ADSS2: variants seen among roughly 807,000 people sequenced by gnomAD.
ADSS2 encodes adenylosuccinate synthetase isozyme 2.
A neutral mutation model predicts 60.0 loss-of-function variants in ADSS2; 30 were observed. The ratio of observed to expected loss-of-function variants is 0.50; its 90% CI spans 0.37 to 0.68. The LOEUF is 0.68. Among genes scored for constraint, ADSS2 ranks in the 30% least tolerant of loss-of-function variants. ADSS2 has a pLI of 0.00. For synonymous variants in ADSS2, 187 were observed against 193.1 expected, an observed-to-expected ratio of 0.97 and a Z score of 0.26; for missense variants, 373 against 554.8, an observed-to-expected ratio of 0.67 and a Z score of 3.29.
At chr1:244,438,050 G>A (rs1047131961) in intron 1 of ADSS2, among the ~76,000 whole-genome samples, 2 of 152,058 alleles carry the variant, frequency 1.3e-5, no homozygotes, top group African/African-American at 2.4e-5. Context: ...GGGAAAAAAA[G>A]TGAAAAAAAT....
intron 9 of ADSS2, among the ~76,000 whole-genome samples, 196 bp downstream of exon 9, chr1:244,418,564 G>T (rs1053268953): frequency 6.6e-6 from 1 of 152,062 alleles, no homozygotes; most frequent in South Asian, 2.1e-4. Flanking sequence ...CAAGTGATCT[G>T]CCTGCCTCTG....
At chr1:244,421,831 C>T (rs1388279843) in intron 7 of ADSS2, among the ~76,000 whole-genome samples, 4 of 151,958 alleles carry the variant, frequency 2.6e-5, no homozygotes, top group Admixed American at 6.6e-5. Flanking sequence ...AAAAACCTAG[C>T]AGGGTGTGGT....
chr1:244,444,282 G>A (rs926830861), intron 1 of ADSS2, among the ~76,000 whole-genome samples: 5 of 151,520 alleles, frequency 3.3e-5, no homozygotes, highest in East Asian at 1.9e-4. Context: ...TTGGGAGGCC[G>A]AGGCGGGCGG....
At chr1:244,425,688 T>A (rs1215721492) in intron 4 of ADSS2, among the ~76,000 whole-genome samples, 1 of 152,180 alleles carries the variant, frequency 6.6e-6, no homozygotes, top group Non-Finnish European at 1.5e-5. Flanking sequence ...AACAATCATA[T>A]CTTTTTATGA....
Position 244,420,285 on chromosome 1 carries a change from T to C in ADSS2, c.675A>G (p.Glu225=). The C allele has an allele frequency of 6.2e-7, 1 of 1,612,488 alleles. No homozygotes were observed. The highest frequency in any genetic ancestry group is 8.5e-7 in the Non-Finnish European group (1 of 1,179,180). Residue 225 remains glutamate, a synonymous_variant, in exon 8 of 13, where the codon GAA becomes GAG. Coordinates refer to ENST00000366535, the MANE Select transcript of ADSS2 (RefSeq NM_001126.5). Reference sequence around the variant, plus strand: ...CATCTCTCACCATTGGTTTAATCTTTTCCATATAACCCTATACACAAAGAC... The same window carrying C: ...CATCTCTCACCATTGGTTTAATCTTCTCCATATAACCCTATACACAAAGAC... ...GELQKLKGYM[E]KIKPMVRDGV...
At chr1:244,432,295 T>C (rs1664963324) in intron 4 of ADSS2, among the ~76,000 whole-genome samples, 1 of 152,378 alleles carries the variant, frequency 6.6e-6, no homozygotes, top group Non-Finnish European at 1.5e-5. Context: ...GAATTAGAGA[T>C]GTCTTATGAA....
chr1:244,423,941 C>G lies in ADSS2; in HGVS notation c.581+12G>C, dbSNP rs199878104. On this transcript the variant is annotated intron_variant, in intron 6 of 12. Transcript: ENST00000366535. ...CATTCATTCCTTCCATTTTGAAACA[C>G]AAGTTAGTTACCTCTCAGAGAAGCC... 5 of 1,593,138 alleles carry G rather than the reference C, an allele frequency of 3.1e-6. No homozygotes were observed. The highest frequency in any genetic ancestry group is 3.6e-5 in the Admixed American group (2 of 55,494).
At chr1:244,430,490 G>A (rs1301235782) in intron 4 of ADSS2, among the ~76,000 whole-genome samples, 1 of 152,196 alleles carries the variant, frequency 6.6e-6, no homozygotes, top group Admixed American at 6.5e-5. Context: ...AACGGCAGGT[G>A]TTAGGGATTA....
chr1:244,428,063 T>C (rs1664847704), intron 4 of ADSS2, among the ~76,000 whole-genome samples: 1 of 152,146 alleles, frequency 6.6e-6, no homozygotes, highest in Non-Finnish European at 1.5e-5. Flanking sequence ...ACTGATAGAA[T>C]ACACACATAG....
At chr1:244,436,119 C>A (rs1052282691) in intron 3 of ADSS2, among the ~76,000 whole-genome samples, 2 of 152,182 alleles carry the variant, frequency 1.3e-5, no homozygotes, top group Non-Finnish European at 2.9e-5. Flanking sequence ...TGACTCGCTG[C>A]ATGAGGTCGG....
At chr1:244,449,656 C>T (rs1420905434) in intron 1 of ADSS2, among the ~76,000 whole-genome samples, 1 of 152,148 alleles carries the variant, frequency 6.6e-6, no homozygotes, top group African/African-American at 2.4e-5. Flanking sequence ...GCTAACAAGA[C>T]TAATAAAGAA....
At chr1:244,438,456 T>C (rs1001074388) in intron 1 of ADSS2, among the ~76,000 whole-genome samples, 7 of 152,178 alleles carry the variant, frequency 4.6e-5, no homozygotes, top group African/African-American at 1.7e-4. Context: ...ATGAAGCTTA[T>C]GCAGAAATAA....
chr1:244,439,840 C>A (rs1481207084), intron 1 of ADSS2, among the ~76,000 whole-genome samples: 1 of 152,210 alleles, frequency 6.6e-6, no homozygotes, highest in Non-Finnish European at 1.5e-5. Context: ...CTAGGATGGG[C>A]AATTCCCCTC....
intron 4 of ADSS2, among the ~76,000 whole-genome samples, chr1:244,427,806 G>A (rs1169351253): frequency 6.6e-6 from 1 of 152,122 alleles, no homozygotes; most frequent in African/African-American, 2.4e-5. Context: ...TAACTAATTA[G>A]TATATACAGC....
intron 4 of ADSS2, among the ~76,000 whole-genome samples, chr1:244,431,842 G>A (rs1276489764): frequency 6.6e-6 from 1 of 152,160 alleles, no homozygotes; most frequent in Admixed American, 6.5e-5. Flanking sequence ...TTTGATTTCT[G>A]TGCTTGGCTG....
chr1:244,423,312 T>C (rs1472122255), intron 6 of ADSS2, among the ~76,000 whole-genome samples: 7 of 152,218 alleles, frequency 4.6e-5, no homozygotes, highest in Non-Finnish European at 1.0e-4. Context: ...AATCTAATAT[T>C]CTTCAGTAAA....
chr1:244,437,589 A>G, intron 2 of ADSS2, 77 bp downstream of exon 2: 2 of 1,031,972 alleles, frequency 1.9e-6, no homozygotes, highest in East Asian at 4.8e-5. Context: ...AGATGAAAAC[A>G]GTTTTGACAA....
rs752757233 is a variant in ADSS2, at chr1:244,409,608, T to G, written c.1349A>C (p.Glu450Ala). 6.2e-7 allele frequency: 1 copy of G among 1,609,772 alleles called. No homozygotes were observed. ...TCATTAAAAGAGTTGAATCATAGATTCTCTGGATTTACCAACACCAATCCA... is the reference window on the plus strand; with the variant it reads ...TCATTAAAAGAGTTGAATCATAGATGCTCTGGATTTACCAACACCAATCCA... ...VKWIGVGKSR[E>A]SMIQLF Residue 450 changes from glutamate to alanine, a missense_variant, in exon 13 of 13, where the codon GAA becomes GCA. This residue lies in a region of ADSS2 where 130 missense variants were observed against 169.4 expected (regional missense o/e 0.77). Transcript: ENST00000366535.
chr1:244,437,329 C>G (rs969456610), intron 2 of ADSS2, among the ~76,000 whole-genome samples: 41 of 152,206 alleles, frequency 2.7e-4, no homozygotes, highest in Admixed American at 2.0e-3. Flanking sequence ...ATGAACCTCT[C>G]ATATTTCTTA....
Sources: gnomAD v4.1 joint callset for allele counts (sites outside exome capture counted in the v4.1 genomes callset) on GRCh38, gnomAD v4.1.1 for gene constraint, gnomAD v4.1.1 regional missense constraint, MANE v1.5 for transcripts, NCBI Gene and HGNC (gene_info 2026-07-23, HGNC 2026-07-21) for gene names.